The following NSMAF variants were observed in gnomAD, a reference collection of about 807,000 sequenced individuals.
The protein encoded by NSMAF is neutral sphingomyelinase activation associated factor, also known as protein FAN.
Under a neutral mutation model 134.9 loss-of-function variants are expected in NSMAF, and 90 were observed. The ratio of observed to expected loss-of-function variants is 0.67; its 90% confidence interval spans 0.56 to 0.79. NSMAF has a LOEUF of 0.79. Among genes scored for constraint, NSMAF ranks in the 30% least tolerant of loss-of-function variants. The probability of loss-of-function intolerance (pLI) is 0.00; values close to 1 mark genes in which losing one functional copy is unlikely to be tolerated. For missense variants in NSMAF, 1,010 were observed against 1,119.0 expected (o/e 0.90, Z 1.39); for synonymous variants, 358 against 389.6 (o/e 0.92, Z 0.96).
chr8:58,611,370 A>G (rs1035420995), intron 9 of NSMAF, among the ~76,000 whole-genome samples: 4 of 152,060 alleles, frequency 2.6e-5, no homozygotes, highest in Admixed American at 6.6e-5. Context: ...CTGAGATACC[A>G]TCTCTACAAA....
intron 30 of NSMAF, among the ~76,000 whole-genome samples, chr8:58,585,198 A>G (rs1805854814): frequency 1.3e-5 from 2 of 152,150 alleles, no homozygotes; most frequent in Non-Finnish European, 2.9e-5. Flanking sequence ...ATACACATAT[A>G]CCCTCTCTTA....
chr8:58,659,428 C>G, intron 1 of NSMAF, 145 bp downstream of exon 1: 2 of 1,504,032 alleles, frequency 1.3e-6, no homozygotes, highest in Non-Finnish European at 1.8e-6. Flanking sequence ...CCACAGCCCC[C>G]AGCCCAGGCC....
At chr8:58,629,050 C>T in intron 6 of NSMAF, among the ~76,000 whole-genome samples, 1 of 152,164 alleles carries the variant, frequency 6.6e-6, no homozygotes, top group East Asian at 1.9e-4. Flanking sequence ...TGGAAGACTT[C>T]TTAAATCTGG....
chr8:58,592,128 T>C (rs1806034556), intron 23 of NSMAF, among the ~76,000 whole-genome samples: 4 of 152,220 alleles, frequency 2.6e-5, no homozygotes, highest in Non-Finnish European at 5.9e-5. Flanking sequence ...TTGCTTTTGA[T>C]TCTCTTAGGC....
chr8:58,594,399 A>T lies in NSMAF; in HGVS notation c.1893-109T>A, dbSNP rs922280030. ...CCAAGTTTCCTTAATTTTTTTCTTCACAGCATGTCTGCCGGATCTGTCCCA... is the reference window on the plus strand; with the variant it reads ...CCAAGTTTCCTTAATTTTTTTCTTCTCAGCATGTCTGCCGGATCTGTCCCA... On this transcript the variant is annotated intron_variant, in intron 22 of 30. Transcript: ENST00000038176. The T allele has an allele frequency of 5.2e-6, 5 of 968,392 alleles. No individual in the cohort carries two copies. The African/African-American group carries it at 8.1e-5, about 16-fold the overall frequency. 60.0% of individuals were successfully genotyped at this position (968,392 alleles called of 1,614,324 possible). A position where few individuals can be genotyped will look rare whatever the true frequency, so the allele number is the denominator to read the frequency against.
intron 23 of NSMAF, among the ~76,000 whole-genome samples, chr8:58,592,819 G>A (rs6991020): frequency 0.42 from 62,953 of 151,634 alleles, 14,457 homozygotes; most frequent in African/African-American, 0.63. Flanking sequence ...CCCAGGAGGC[G>A]GAGGTTGCAG....
chr8:58,624,035 A>ATTTTT lies in NSMAF; in HGVS notation c.385-260_385-256dup, dbSNP rs11431046. Among the ~76,000 whole-genome samples the ATTTTT allele has an allele frequency of 3.6e-4, 36 of 99,086 alleles. 2 individuals carry two copies. The highest frequency in any genetic ancestry group is 1.0e-3 in the African/African-American group (25 of 24,714). 65.0% of individuals were successfully genotyped at this position (99,086 alleles called of 152,430 possible). ...CAAACCCTTAAGGTATAGAGTTAGG[A>ATTTTT]TTTTTTTTTTTTTTTTTTTTTTTTG... is the stretch of plus-strand genomic sequence containing the variant. On this transcript the variant is annotated intron_variant, in intron 6 of 30. Transcript: ENST00000038176.
In NSMAF at chr8:58,594,234, T is replaced by G. The variant is rs1806082163; in HGVS notation, c.1949A>C (p.Gln650Pro). Residue 650 changes from glutamine to proline, a missense_variant and splice_region_variant, in exon 23 of 31, where the codon CAA (glutamine) becomes CCA (proline). Coordinates refer to ENST00000038176, the MANE Select transcript of NSMAF (RefSeq NM_003580.4). The part of the protein sequence containing the change: ...RNGSSVFTTS[Q>P]DSTLKMFSKE... ...GCCTTTCGGGGAGGAACACTGACCT[T>G]GGGATGTTGTGAATACTGAAGATCC... is the stretch of plus-strand genomic sequence containing the variant. The G allele has an allele frequency of 6.2e-7, 1 of 1,614,052 alleles. No homozygotes were observed. Among genetic ancestry groups the G allele is most frequent in the Admixed American group, 1.7e-5 (1 of 60,026 alleles).
chr8:58,642,112 A>G (rs1202394646), intron 2 of NSMAF, among the ~76,000 whole-genome samples: 1 of 152,226 alleles, frequency 6.6e-6, no homozygotes, highest in Non-Finnish European at 1.5e-5. Context: ...TAAGCTACTA[A>G]ACAAAAAAAC....
In NSMAF at chr8:58,623,204, A is replaced by AT; in HGVS notation, c.557+15dup. 1 of 1,570,360 alleles carries AT rather than the reference A, an allele frequency of 6.4e-7. No individual in the cohort carries two copies. The highest frequency in any genetic ancestry group is 8.8e-7 in the Non-Finnish European group (1 of 1,142,382). ...TCCACCACTTTTCTAATTAGGAAAG[A>AT]TCATTAGAAACTTACCTGTTTTTGT... On this transcript the variant is annotated intron_variant, in intron 9 of 30. Coordinates refer to ENST00000038176, the MANE Select transcript of NSMAF (RefSeq NM_003580.4).
intron 9 of NSMAF, among the ~76,000 whole-genome samples, chr8:58,622,629 G>A (rs568545519): frequency 3.9e-5 from 6 of 152,096 alleles, no homozygotes; most frequent in Non-Finnish European, 5.9e-5. Flanking sequence ...TCCTGACCTC[G>A]TGATCTGCCC....
Position 58,585,766 on chromosome 8 carries a change from A to G in NSMAF, c.2550-5T>C, listed in dbSNP as rs1219141874. ...TTTCCATCCCAGACAAAGCACCTGC[A>G]AGAATGATTTAGAAATAGTCCTTTC... On this transcript the variant is annotated splice_polypyrimidine_tract_variant and splice_region_variant and intron_variant, in intron 29 of 30. Coordinates refer to ENST00000038176, the MANE Select transcript of NSMAF (RefSeq NM_003580.4). The G allele has an allele frequency of 6.2e-7, 1 of 1,613,088 alleles. No homozygotes were observed. The highest frequency in any genetic ancestry group is 8.5e-7 in the Non-Finnish European group (1 of 1,179,000).
In NSMAF at chr8:58,656,025, G is replaced by T. The variant is rs1462138799; in HGVS notation, c.59+3548C>A. ...TTCCTGCTATCTAAATCTTTTTTTT[G>T]TTTGTTTGTTTGAGATGGAGTCTCG... On this transcript the variant is annotated intron_variant, in intron 1 of 30. Transcript: ENST00000038176. 8.1e-3 allele frequency among the ~76,000 whole-genome samples: 1,140 copies of T among 140,722 alleles called. 19 individuals are homozygous for T. The highest frequency in any genetic ancestry group is 0.03 in the African/African-American group (1,069 of 35,536). The allele number at this position is 140,722 out of a possible 152,430, so 92.3% of individuals were successfully genotyped here.
At position 58,617,462 on chromosome 8, in the gene NSMAF, A is replaced by G. The variant is rs542114511; in HGVS notation, c.557+5758T>C. Among the ~76,000 whole-genome samples the G allele has an allele frequency of 2.6e-5, 4 of 152,328 alleles. No homozygotes were observed. In the East Asian group the frequency reaches 7.7e-4, roughly 29 times the overall value. ...CTACAAAGAACTCAAACAAATTTAC[A>G]AGAAAAAAACAAACAAACCCATCAA... On this transcript the variant is annotated intron_variant, in intron 9 of 30. Coordinates refer to ENST00000038176, the MANE Select transcript of NSMAF (RefSeq NM_003580.4).
rs1430950057 is a variant in NSMAF, at chr8:58,601,370, G to C, written c.1217-22C>G. On this transcript the variant is annotated intron_variant, in intron 15 of 30. Coordinates refer to ENST00000038176, the MANE Select transcript of NSMAF (RefSeq NM_003580.4). ...GGTGCTAGAGGGGAAAAAGTCAGAG[G>C]TAAGTCAGGTCACAGAATCATTGAA... 5 of 1,612,682 alleles carry C rather than the reference G, an allele frequency of 3.1e-6. No homozygotes were observed. The South Asian group carries it at 5.5e-5, about 18-fold the overall frequency.
chr8:58,590,478 C>T (rs950854669), intron 24 of NSMAF, among the ~76,000 whole-genome samples: 1 of 152,140 alleles, frequency 6.6e-6, no homozygotes, highest in African/African-American at 2.4e-5. Context: ...AGATCTTTTG[C>T]ATGATTTACA....
chr8:58,605,880 CAAA>C (rs371910886), intron 12 of NSMAF, 44 bp downstream of exon 12: 6,577 of 1,258,314 alleles, frequency 5.2e-3, no homozygotes, highest in South Asian at 0.013. Flanking sequence ...ACTCAGCCTC[CAAA>C]AAAAAAAAAA....
chr8:58,653,480 A>G (rs1807631846), intron 1 of NSMAF, among the ~76,000 whole-genome samples: 1 of 152,114 alleles, frequency 6.6e-6, no homozygotes, highest in Non-Finnish European at 1.5e-5. Flanking sequence ...AGTGAAAAGT[A>G]AAACAATGGA....
At chr8:58,599,913 T>C (rs1170297333) in intron 17 of NSMAF, 43 bp from the exon 18 acceptor site, 1 of 1,613,142 alleles carries the variant, frequency 6.2e-7, no homozygotes, top group African/African-American at 1.3e-5. Flanking sequence ...ACAAACATGT[T>C]TTAAAGCAGT....
Sources: allele counts gnomAD v4.1 joint callset (sites outside exome capture counted in the v4.1 genomes callset), GRCh38; gene constraint gnomAD v4.1.1; transcripts MANE v1.5; gene names NCBI Gene and HGNC (gene_info 2026-07-23, HGNC 2026-07-21).